The following HS3ST4 variants were observed in gnomAD, a reference collection of about 807,000 sequenced individuals.
HS3ST4 encodes heparan sulfate-glucosamine 3-sulfotransferase 4.
In HS3ST4, 17 loss-of-function variants were observed where a neutral mutation model predicts 29.2. The observed-to-expected ratio is 0.58, with a 90% confidence interval of 0.40 to 0.87. The LOEUF (loss-of-function observed/expected upper bound fraction) is 0.87, where lower values mean the gene tolerates loss of function less well. HS3ST4 is among the 40% of genes least tolerant of loss of function. HS3ST4 has a pLI of 0.00. For synonymous variants in HS3ST4, 314 were observed against 285.7 expected (o/e 1.10, Z -1.00); for missense variants, 627 against 634.5 (o/e 0.99, Z 0.13).
At chr16:25,778,235 C>T (rs920229235) in intron 1 of HS3ST4, among the ~76,000 whole-genome samples, 1 of 152,214 alleles carries the variant, frequency 6.6e-6, no homozygotes, top group Non-Finnish European at 1.5e-5. Flanking sequence ...TAGTTGGCCT[C>T]ACCTATCTCC....
intron 1 of HS3ST4, among the ~76,000 whole-genome samples, chr16:25,900,172 A>G (rs1968108350): frequency 6.6e-6 from 1 of 151,202 alleles, no homozygotes; most frequent in Non-Finnish European, 1.5e-5. Context: ...TGTCATTCAA[A>G]TAGGGTACGT....
chr16:25,725,033 CTTTTTT>C (rs5816321), intron 1 of HS3ST4, among the ~76,000 whole-genome samples: 35 of 132,648 alleles, frequency 2.6e-4, no homozygotes, highest in African/African-American at 2.8e-4. Context: ...CTTCCTCCCT[CTTTTTT>C]TTTTTTTTTT....
intron 1 of HS3ST4, among the ~76,000 whole-genome samples, chr16:26,004,641 T>G (rs1969241089): frequency 6.6e-6 from 1 of 152,210 alleles, no homozygotes; most frequent in Admixed American, 6.5e-5. Context: ...TATCCTGGAC[T>G]GGCTTATGGA....
intron 1 of HS3ST4, among the ~76,000 whole-genome samples, chr16:25,977,843 C>T (rs1596633213): frequency 1.3e-5 from 2 of 152,276 alleles, no homozygotes; most frequent in African/African-American, 4.8e-5. Context: ...TGAGTGGGTG[C>T]CCTGCTGTGT....
intron 1 of HS3ST4, among the ~76,000 whole-genome samples, chr16:26,121,309 T>A (rs768938265): frequency 1.3e-5 from 2 of 152,058 alleles, no homozygotes; most frequent in African/African-American, 4.8e-5. Flanking sequence ...ATGCGACTAG[T>A]GGAGATTCCA....
At chr16:25,876,437 T>C (rs1251021768) in intron 1 of HS3ST4, among the ~76,000 whole-genome samples, 3 of 152,134 alleles carry the variant, frequency 2.0e-5, no homozygotes, top group Non-Finnish European at 4.4e-5. Context: ...GGATCTGCTG[T>C]TGTTCTTGGC....
intron 1 of HS3ST4, among the ~76,000 whole-genome samples, chr16:25,907,838 A>G (rs1363126541): frequency 5.3e-5 from 8 of 152,264 alleles, no homozygotes; most frequent in Admixed American, 2.6e-4. Context: ...AAAGATGCGT[A>G]CAGCTTCATC....
At chr16:25,846,693 A>T (rs1453084725) in intron 1 of HS3ST4, among the ~76,000 whole-genome samples, 2 of 152,098 alleles carry the variant, frequency 1.3e-5, no homozygotes, top group African/African-American at 4.8e-5. Context: ...ACAGAAAATT[A>T]AAAAAATTTT....
At chr16:25,973,339 G>A (rs1266344333) in intron 1 of HS3ST4, among the ~76,000 whole-genome samples, 1 of 152,210 alleles carries the variant, frequency 6.6e-6, no homozygotes, top group Non-Finnish European at 1.5e-5. Context: ...AGGCATAGAT[G>A]TATGACATAG....
chr16:25,944,364 A>G (rs968254151), intron 1 of HS3ST4, among the ~76,000 whole-genome samples: 1 of 152,212 alleles, frequency 6.6e-6, no homozygotes, highest in African/African-American at 2.4e-5. Context: ...CCCTTAATGA[A>G]AGGGGTAAAG....
At chr16:26,065,411 G>A (rs1462215335) in intron 1 of HS3ST4, among the ~76,000 whole-genome samples, 2 of 152,194 alleles carry the variant, frequency 1.3e-5, no homozygotes, top group Non-Finnish European at 2.9e-5. Context: ...TCATAAGTGG[G>A]AGCTAAATGA....
At chr16:26,027,704 C>T (rs1397224406) in intron 1 of HS3ST4, among the ~76,000 whole-genome samples, 1 of 152,180 alleles carries the variant, frequency 6.6e-6, no homozygotes. Flanking sequence ...TATAAATATG[C>T]TAGGACCATA....
intron 1 of HS3ST4, among the ~76,000 whole-genome samples, chr16:26,041,575 A>G (rs1969636341): frequency 6.6e-6 from 1 of 152,146 alleles, no homozygotes; most frequent in Non-Finnish European, 1.5e-5. Context: ...CATCAGAAGT[A>G]CGGAAACTTT....
intron 1 of HS3ST4, among the ~76,000 whole-genome samples, chr16:25,958,685 T>C (rs2141700688): frequency 6.6e-6 from 1 of 152,302 alleles, no homozygotes; most frequent in South Asian, 2.1e-4. Context: ...CATCTGGGGC[T>C]GGAGGATCTA....
chr16:26,008,062 G>A (rs922627952), intron 1 of HS3ST4, among the ~76,000 whole-genome samples: 7 of 152,168 alleles, frequency 4.6e-5, no homozygotes, highest in African/African-American at 1.7e-4. Flanking sequence ...CTCTTTGGCT[G>A]GATCCAGAAA....
chr16:25,759,318 C>T (rs1425391184), intron 1 of HS3ST4, among the ~76,000 whole-genome samples: 4 of 152,230 alleles, frequency 2.6e-5, no homozygotes, highest in Non-Finnish European at 5.9e-5. Flanking sequence ...TCCTTCCATC[C>T]TTCCATGTTG....
chr16:25,937,643 A>G (rs527354181), intron 1 of HS3ST4, among the ~76,000 whole-genome samples: 1 of 152,276 alleles, frequency 6.6e-6, no homozygotes, highest in South Asian at 2.1e-4. Context: ...CTGGATTATG[A>G]TGGGCCTGAG....
intron 1 of HS3ST4, among the ~76,000 whole-genome samples, chr16:26,062,509 A>G (rs1898487235): frequency 6.6e-6 from 1 of 152,112 alleles, no homozygotes; most frequent in Admixed American, 6.5e-5. Flanking sequence ...CCCAGGGATG[A>G]GACAGTTGTA....
chr16:26,099,725 A>C (rs1898969819), intron 1 of HS3ST4, among the ~76,000 whole-genome samples: 1 of 152,130 alleles, frequency 6.6e-6, no homozygotes, highest in South Asian at 2.1e-4. Context: ...GGCAGATAAA[A>C]ATCTCTATCC....
Sources: allele counts gnomAD v4.1 joint callset (sites outside exome capture counted in the v4.1 genomes callset), GRCh38; gene constraint gnomAD v4.1.1; transcripts MANE v1.5; gene names NCBI Gene and HGNC (gene_info 2026-07-23, HGNC 2026-07-21).